Variants in LMX1A observed in about 807,000 individuals in gnomAD.
The protein encoded by LMX1A is LIM homeobox transcription factor 1-alpha.
In LMX1A, 15 loss-of-function variants were observed where a neutral mutation model predicts 49.1. That is an observed-to-expected ratio of 0.31 (90% CI 0.20 to 0.47). LMX1A has a LOEUF of 0.47. LMX1A is among the 20% of genes least tolerant of loss of function. The pLI is 1.00. For missense variants in LMX1A, 372 were observed against 475.8 expected, an observed-to-expected ratio of 0.78 and a Z score of 2.03; for synonymous variants, 167 against 185.7, an observed-to-expected ratio of 0.90 and a Z score of 0.82.
At chr1:165,213,414 T>C in intron 5 of LMX1A, 1 of 450,592 alleles carries the variant, frequency 2.2e-6, no homozygotes, top group South Asian at 5.2e-5. Context: ...ACAGGGGCCA[T>C]TTGGAGTTGG....
intron 4 of LMX1A, 151 bp downstream of exon 4, chr1:165,249,257 T>G (rs1161180003): frequency 1.6e-6 from 1 of 612,142 alleles, no homozygotes; most frequent in Non-Finnish European, 2.9e-6. Flanking sequence ...ACTCTGAGCT[T>G]ACAAAGAAAG....
At chr1:165,283,614 C>G (rs1027599107) in intron 3 of LMX1A, among the ~76,000 whole-genome samples, 1 of 152,180 alleles carries the variant, frequency 6.6e-6, no homozygotes, top group African/African-American at 2.4e-5. Context: ...GCCATCTGGT[C>G]ACTTTACCAC....
rs537618953 is a variant in LMX1A at position 165,353,745 on chromosome 1, T to G, written c.77-483A>C. On this transcript the variant is annotated intron_variant, in intron 2 of 8. Transcript: ENST00000342310. Reference sequence around the variant, plus strand: ...TTTGAGGGGGAACAAAATTTTCTCTTTTCTTCCTAAAAAGTCCTGGGGGTA... The same window carrying G: ...TTTGAGGGGGAACAAAATTTTCTCTGTTCTTCCTAAAAAGTCCTGGGGGTA... 3.1e-3 allele frequency among the ~76,000 whole-genome samples: 474 copies of G among 152,310 alleles called. 2 individuals are homozygous for G. Among genetic ancestry groups the G allele is most frequent in the Non-Finnish European group, 4.9e-3 (334 of 68,028 alleles).
chr1:165,336,937 G>C (rs1161561596), intron 3 of LMX1A, among the ~76,000 whole-genome samples: 1 of 152,200 alleles, frequency 6.6e-6, no homozygotes, highest in Non-Finnish European at 1.5e-5. Context: ...GAGAAACTAT[G>C]CAGAAATTAT....
chr1:165,250,785 G>A (rs538164669), intron 3 of LMX1A, among the ~76,000 whole-genome samples: 2 of 152,306 alleles, frequency 1.3e-5, no homozygotes, highest in South Asian at 4.1e-4. Context: ...CTAACCTGCA[G>A]GGAGTGAGCA....
chr1:165,323,958 A>G (rs1655496814), intron 3 of LMX1A, among the ~76,000 whole-genome samples: 1 of 152,242 alleles, frequency 6.6e-6, no homozygotes. Flanking sequence ...ATTGTCTACT[A>G]AATGCTTGTA....
At chr1:165,212,891 G>T (rs1266162301) in intron 5 of LMX1A, 2 of 152,214 alleles carry the variant, frequency 1.3e-5, no homozygotes, top group Non-Finnish European at 2.9e-5. Flanking sequence ...GAGGAGAAAT[G>T]ATTTGAGCAA....
chr1:165,246,536 T>C (rs1652854634), intron 4 of LMX1A, among the ~76,000 whole-genome samples: 1 of 152,202 alleles, frequency 6.6e-6, no homozygotes. Flanking sequence ...TTGTTAGATC[T>C]AATAATTAGA....
intron 3 of LMX1A, among the ~76,000 whole-genome samples, chr1:165,278,630 G>A (rs549778699): frequency 6.6e-6 from 1 of 152,186 alleles, no homozygotes; most frequent in Non-Finnish European, 1.5e-5. Flanking sequence ...ATAAACCCCG[G>A]GGACAGCCCA....
At chr1:165,235,826 C>T (rs1652411780) in intron 4 of LMX1A, among the ~76,000 whole-genome samples, 1 of 152,236 alleles carries the variant, frequency 6.6e-6, no homozygotes, top group South Asian at 2.1e-4. Flanking sequence ...GAAGTGACGG[C>T]TTTGGAGATT....
intron 2 of LMX1A, 131 bp from the exon 3 acceptor site, chr1:165,353,393 G>A: frequency 1.5e-6 from 1 of 687,502 alleles, no homozygotes; most frequent in Non-Finnish European, 2.4e-6. Context: ...GGGAACTCCT[G>A]CTAATCAACC....
chr1:165,343,757 C>T (rs1198264528), intron 3 of LMX1A, among the ~76,000 whole-genome samples: 1 of 152,088 alleles, frequency 6.6e-6, no homozygotes, highest in African/African-American at 2.4e-5. Flanking sequence ...ATAATACTGG[C>T]CAGCCATTCA....
intron 3 of LMX1A, among the ~76,000 whole-genome samples, chr1:165,314,258 G>A (rs542473462): frequency 2.0e-5 from 3 of 152,198 alleles, no homozygotes; most frequent in African/African-American, 7.2e-5. Flanking sequence ...AAAGCAGAGA[G>A]CATGGCAAAG....
At chr1:165,273,724 C>A (rs914052081) in intron 3 of LMX1A, among the ~76,000 whole-genome samples, 6 of 152,118 alleles carry the variant, frequency 3.9e-5, no homozygotes, top group Non-Finnish European at 8.8e-5. Context: ...TTGTCCTTAC[C>A]AAGATAAGTC....
chr1:165,263,735 C>A (rs1423847018), intron 3 of LMX1A, among the ~76,000 whole-genome samples: 1 of 152,168 alleles, frequency 6.6e-6, no homozygotes, highest in Non-Finnish European at 1.5e-5. Flanking sequence ...ATTTTCCAGA[C>A]AAGAAAACAA....
Position 165,289,818 on chromosome 1 carries a change from G to A in LMX1A, c.264-40178C>T, listed in dbSNP as rs570542781. On this transcript the variant is annotated intron_variant, in intron 3 of 8. Coordinates refer to ENST00000342310, the MANE Select transcript of LMX1A (RefSeq NM_177398.4). Reference sequence around the variant, plus strand: ...TGGGGTTAGATCTGATAGGAGTACTGTGCAAACTCTAAAGCCTCTGGTGTG... The same window carrying A: ...TGGGGTTAGATCTGATAGGAGTACTATGCAAACTCTAAAGCCTCTGGTGTG... 1.4e-4 allele frequency among the ~76,000 whole-genome samples: 22 copies of A among 152,364 alleles called. No individual in the cohort carries two copies. In the East Asian group the frequency reaches 3.3e-3, roughly 23 times the overall value.
At chr1:165,284,739 C>T (rs1654255393) in intron 3 of LMX1A, among the ~76,000 whole-genome samples, 1 of 152,204 alleles carries the variant, frequency 6.6e-6, no homozygotes, top group Non-Finnish European at 1.5e-5. Context: ...ACACGGAAGT[C>T]CTTCAGCTTA....
chr1:165,229,279 T>A (rs1302835217), intron 4 of LMX1A, among the ~76,000 whole-genome samples: 1 of 152,144 alleles, frequency 6.6e-6, no homozygotes, highest in Non-Finnish European at 1.5e-5. Context: ...GGTACCCAAG[T>A]CCTCTTAAAC....
rs142532286 is a variant in LMX1A at position 165,294,538 on chromosome 1, A to T, written c.264-44898T>A. The stretch of plus-strand genomic sequence containing the variant: ...CATCAGAAACCTCAAAAACATACAG[A>T]TCATTTAAACCCGGCAGTTTCTCTT... On this transcript the variant is annotated intron_variant, in intron 3 of 8. Coordinates refer to ENST00000342310, the MANE Select transcript of LMX1A (RefSeq NM_177398.4). Among the ~76,000 whole-genome samples the T allele has an allele frequency of 1.5e-4, 23 of 152,360 alleles. No individual in the cohort carries two copies. In the East Asian group the frequency reaches 4.0e-3, roughly 27 times the overall value.
Sources: gnomAD v4.1 joint callset for allele counts (sites outside exome capture counted in the v4.1 genomes callset) on GRCh38, gnomAD v4.1.1 for gene constraint, MANE v1.5 for transcripts, NCBI Gene and HGNC (gene_info 2026-07-23, HGNC 2026-07-21) for gene names.